NAALADL2: variants seen among roughly 807,000 people sequenced by gnomAD.
NAALADL2 encodes the protein N-acetylated alpha-linked acidic dipeptidase like 2.
Under a neutral mutation model 87.2 loss-of-function variants are expected in NAALADL2, and 76 were observed. The ratio of observed to expected loss-of-function variants is 0.87; its 90% CI spans 0.72 to 1.05. The LOEUF (loss-of-function observed/expected upper bound fraction) is 1.05. Ranked by LOEUF, NAALADL2 falls within the 50% of genes least tolerant of loss-of-function variation. The probability of loss-of-function intolerance (pLI) is 0.00; values close to 1 mark genes in which losing one functional copy is unlikely to be tolerated. For missense variants in NAALADL2, 1,089 were observed against 945.8 expected (o/e 1.15, Z -1.99); for synonymous variants, 354 against 331.0 (o/e 1.07, Z -0.75).
At chr3:175,251,222 A>G (rs1749012123) in intron 3 of NAALADL2, among the ~76,000 whole-genome samples, 1 of 152,196 alleles carries the variant, frequency 6.6e-6, no homozygotes, top group African/African-American at 2.4e-5. Flanking sequence ...CAAAACTTTG[A>G]TTCCTTTTTT....
intron 5 of NAALADL2, among the ~76,000 whole-genome samples, chr3:175,349,590 C>G (rs1220223750): frequency 6.6e-6 from 1 of 152,032 alleles, no homozygotes; most frequent in Non-Finnish European, 1.5e-5. Flanking sequence ...TTTAAGAAAA[C>G]AGACCCTTGC....
intron 9 of NAALADL2, among the ~76,000 whole-genome samples, chr3:175,490,435 G>A (rs1727893956): frequency 6.6e-6 from 1 of 151,986 alleles, no homozygotes; most frequent in Non-Finnish European, 1.5e-5. Flanking sequence ...CACCCTGGCT[G>A]GAGTGCAGTG....
intron 2 of NAALADL2, among the ~76,000 whole-genome samples, chr3:174,624,597 C>T (rs1292599596): frequency 1.3e-5 from 2 of 148,830 alleles, no homozygotes; most frequent in Non-Finnish European, 3.0e-5. Flanking sequence ...GCACTCCAGC[C>T]TGGGCGACAG....
intron 3 of NAALADL2, among the ~76,000 whole-genome samples, chr3:174,764,629 AAAAT>A (rs1560205798): frequency 6.6e-6 from 1 of 152,196 alleles, no homozygotes; most frequent in Non-Finnish European, 1.5e-5. Context: ...CAAACAAACA[AAAAT>A]AAATAAAAAG....
chr3:175,469,815 T>C (rs1298473880), intron 8 of NAALADL2, among the ~76,000 whole-genome samples: 2 of 152,064 alleles, frequency 1.3e-5, no homozygotes, highest in Admixed American at 1.3e-4. Flanking sequence ...CTCATGAGAA[T>C]TATATAGACT....
At chr3:174,666,580 A>G (rs970884750) in intron 2 of NAALADL2, among the ~76,000 whole-genome samples, 4 of 152,244 alleles carry the variant, frequency 2.6e-5, no homozygotes, top group African/African-American at 9.6e-5. Context: ...ACATGAGAAC[A>G]GTGCATGCAA....
intron 11 of NAALADL2, among the ~76,000 whole-genome samples, chr3:175,708,825 T>TAA (rs565683274): frequency 5.0e-4 from 68 of 134,698 alleles, no homozygotes; most frequent in African/African-American, 1.7e-3. Context: ...ACCCAGAGAA[T>TAA]AAAAAAAAAA....
chr3:175,312,467 A>T (rs1758508279), intron 4 of NAALADL2, among the ~76,000 whole-genome samples: 1 of 152,060 alleles, frequency 6.6e-6, no homozygotes. Flanking sequence ...TAACCATCTA[A>T]ATAAACAGGC....
chr3:174,979,768 A>C (rs1274123518), intron 1 of NAALADL2, among the ~76,000 whole-genome samples: 1 of 152,224 alleles, frequency 6.6e-6, no homozygotes, highest in African/African-American at 2.4e-5. Context: ...TATTATCTAT[A>C]TAATTTTGTC....
intron 1 of NAALADL2, among the ~76,000 whole-genome samples, chr3:174,536,949 C>G (rs1368665162): frequency 6.6e-6 from 1 of 152,066 alleles, no homozygotes; most frequent in African/African-American, 2.4e-5. Context: ...AACAATATTA[C>G]TTGTAAATAA....
intron 1 of NAALADL2, among the ~76,000 whole-genome samples, chr3:174,923,918 T>C (rs1735601059): frequency 6.6e-6 from 1 of 152,120 alleles, no homozygotes; most frequent in South Asian, 2.1e-4. Context: ...GGCAGAGTCA[T>C]TATTAAAAGA....
chr3:174,932,630 AGT>A (rs1229494618), intron 1 of NAALADL2, among the ~76,000 whole-genome samples: 18 of 152,068 alleles, frequency 1.2e-4, no homozygotes, highest in Admixed American at 1.2e-3. Flanking sequence ...TGGACCCTGG[AGT>A]GTCTTAGATG....
At chr3:174,723,526 T>C (rs1731888665) in intron 2 of NAALADL2, among the ~76,000 whole-genome samples, 1 of 151,956 alleles carries the variant, frequency 6.6e-6, no homozygotes, top group Admixed American at 6.6e-5. Flanking sequence ...GATGCCGAGA[T>C]GGGCGGATCA....
intron 2 of NAALADL2, among the ~76,000 whole-genome samples, chr3:175,147,536 G>T (rs1258243612): frequency 6.6e-6 from 1 of 152,072 alleles, no homozygotes; most frequent in East Asian, 1.9e-4. Flanking sequence ...ATTGTGAATA[G>T]TGCTGCAATG....
chr3:174,681,516 A>C (rs2108827409), intron 2 of NAALADL2, among the ~76,000 whole-genome samples: 1 of 152,280 alleles, frequency 6.6e-6, no homozygotes, highest in South Asian at 2.1e-4. Flanking sequence ...ACAAAAGGAT[A>C]GGACTCCAAT....
At chr3:174,958,301 T>C (rs1364862544) in intron 1 of NAALADL2, among the ~76,000 whole-genome samples, 1 of 151,876 alleles carries the variant, frequency 6.6e-6, no homozygotes, top group Non-Finnish European at 1.5e-5. Context: ...GCTTAGACTA[T>C]ATTAGATGCC....
intron 9 of NAALADL2, among the ~76,000 whole-genome samples, chr3:175,546,405 GAT>G (rs1713337485): frequency 6.6e-6 from 1 of 152,012 alleles, no homozygotes. Context: ...GATTAATGTT[GAT>G]ATGTGTGGAT....
Position 175,686,985 on chromosome 3 carries a change from A to G in NAALADL2, c.1897-50321A>G, listed in dbSNP as rs533158545. Among the ~76,000 whole-genome samples, 3 of 152,304 alleles carry G rather than the reference A, an allele frequency of 2.0e-5. No individual in the cohort carries two copies. In the South Asian group the frequency reaches 6.2e-4, roughly 32 times the overall value. ...ATCATTCCCATTTTCAGATGAGAAA[A>G]CAAATATCAGATGTCAAGTAGCTTG... On this transcript the variant is annotated intron_variant, in intron 11 of 13. Transcript: ENST00000454872.
rs548688551 is a variant in NAALADL2, at chr3:175,324,425, T to A, written c.1090+100T>A. 46 of 878,280 alleles carry A rather than the reference T, an allele frequency of 5.2e-5. No individual in the cohort carries two copies. The African/African-American group carries it at 7.1e-4, about 14-fold the overall frequency. 54.4% of individuals were successfully genotyped at this position (878,280 alleles called of 1,614,324 possible). On this transcript the variant is annotated intron_variant, in intron 5 of 13. Coordinates refer to ENST00000454872, the MANE Select transcript of NAALADL2 (RefSeq NM_207015.3). ...TATCAGGAATAGTGATGTCAAATAA[T>A]TCTTAGCATCCCATCTTATTATTTT...
Sources: gnomAD v4.1 joint callset for allele counts (sites outside exome capture counted in the v4.1 genomes callset) on GRCh38, gnomAD v4.1.1 for gene constraint, MANE v1.5 for transcripts, NCBI Gene and HGNC (gene_info 2026-07-23, HGNC 2026-07-21) for gene names.